SPMIP2: variants seen among roughly 807,000 people sequenced by gnomAD.
SPMIP2 encodes the protein protein SPMIP2.
the SPMIP2 span, among the ~76,000 whole-genome samples, chr4:158,981,200 A>C: frequency 6.6e-6 from 1 of 152,232 alleles, no homozygotes; most frequent in Non-Finnish European, 1.5e-5. Context: ...GAAATATGAG[A>C]CTATGTGAAA....
the SPMIP2 span, among the ~76,000 whole-genome samples, chr4:158,997,612 A>G: frequency 6.6e-6 from 1 of 152,098 alleles, no homozygotes; most frequent in Non-Finnish European, 1.5e-5. Flanking sequence ...GGCAAGGGAG[A>G]GGGCAATTAT....
the SPMIP2 span, among the ~76,000 whole-genome samples, chr4:159,032,509 A>G: frequency 1.3e-5 from 2 of 152,226 alleles, no homozygotes; most frequent in African/African-American, 4.8e-5. Context: ...AAAGGTGACA[A>G]CAATTTGAAC....
the SPMIP2 span, among the ~76,000 whole-genome samples, chr4:159,015,451 G>A: frequency 6.6e-6 from 1 of 152,168 alleles, no homozygotes; most frequent in African/African-American, 2.4e-5. Flanking sequence ...TTCAGGTGCA[G>A]CAAACCATTT....
At chr4:158,959,221 CTTG>C in the SPMIP2 span, among the ~76,000 whole-genome samples, 1 of 152,110 alleles carries the variant, frequency 6.6e-6, no homozygotes, top group Non-Finnish European at 1.5e-5. Flanking sequence ...ACCACCAATG[CTTG>C]TTGAAGTTTT....
chr4:158,936,091 C>T, the SPMIP2 span, among the ~76,000 whole-genome samples: 1 of 152,206 alleles, frequency 6.6e-6, no homozygotes, highest in East Asian at 1.9e-4. Flanking sequence ...TAACTGACCA[C>T]CCAGCTTCAG....
the SPMIP2 span, among the ~76,000 whole-genome samples, chr4:158,992,344 T>C: frequency 6.6e-6 from 1 of 152,226 alleles, no homozygotes; most frequent in Non-Finnish European, 1.5e-5. Context: ...TATGAAAGTA[T>C]ATTAAGAGTT....
the SPMIP2 span, among the ~76,000 whole-genome samples, chr4:158,932,450 C>T: frequency 6.6e-6 from 1 of 152,168 alleles, no homozygotes; most frequent in Non-Finnish European, 1.5e-5. Flanking sequence ...GCCTGGGTGA[C>T]AGAGTGAGAC....
chr4:159,007,580 C>A, the SPMIP2 span: 1 of 1,103,754 alleles, frequency 9.1e-7, no homozygotes, highest in Non-Finnish European at 1.3e-6. Flanking sequence ...CCGTCAAAAG[C>A]AAAGTGGAAG....
chr4:159,047,481 T>A, the SPMIP2 span, among the ~76,000 whole-genome samples: 4 of 152,236 alleles, frequency 2.6e-5, no homozygotes, highest in Middle Eastern at 3.4e-3. Flanking sequence ...ATTCCTGCCT[T>A]GTTCCATTGA....
chr4:159,007,804 C>G, the SPMIP2 span: 1 of 570,876 alleles, frequency 1.8e-6, no homozygotes. Flanking sequence ...ATTGTCAACC[C>G]GAAGGGTGAA....
At chr4:158,944,005 G>A in the SPMIP2 span, among the ~76,000 whole-genome samples, 14 of 151,288 alleles carry the variant, frequency 9.3e-5, no homozygotes, top group East Asian at 3.9e-4. Flanking sequence ...ACAGGCGCCC[G>A]CCACCATGCC....
the SPMIP2 span, among the ~76,000 whole-genome samples, chr4:159,072,588 G>A: frequency 5.3e-5 from 8 of 150,312 alleles, no homozygotes; most frequent in Admixed American, 2.0e-4. Context: ...TCAGCTCCCC[G>A]AGCAGCTCAG....
chr4:158,933,248 G>C, the SPMIP2 span, among the ~76,000 whole-genome samples: 1 of 152,154 alleles, frequency 6.6e-6, no homozygotes, highest in Non-Finnish European at 1.5e-5. Context: ...GCCTGCCTTG[G>C]CCTCCCAAAG....
chr4:158,927,334 GTATTTTTTA>G, the SPMIP2 span, among the ~76,000 whole-genome samples: 1 of 151,996 alleles, frequency 6.6e-6, no homozygotes, highest in Admixed American at 6.5e-5. Flanking sequence ...ACTGTCTGAG[GTATTTTTTA>G]CTTTCACTTT....
chr4:158,916,958 A>T, the SPMIP2 span, among the ~76,000 whole-genome samples: 1 of 150,228 alleles, frequency 6.7e-6, no homozygotes, highest in Non-Finnish European at 1.5e-5. Context: ...CTTTCTTTTT[A>T]AAAATGGTCC....
At chr4:158,933,144 C>A in the SPMIP2 span, among the ~76,000 whole-genome samples, 1 of 152,316 alleles carries the variant, frequency 6.6e-6, no homozygotes, top group South Asian at 2.1e-4. Flanking sequence ...GCTGGGATTA[C>A]AGGCACACAC....
the SPMIP2 span, among the ~76,000 whole-genome samples, chr4:158,910,120 A>C: frequency 1.3e-4 from 19 of 151,820 alleles, no homozygotes; most frequent in South Asian, 2.1e-4. Flanking sequence ...GCCTTACATG[A>C]CCCTCCTGCC....
chr4:158,926,528 T>C, the SPMIP2 span, among the ~76,000 whole-genome samples: 2 of 152,226 alleles, frequency 1.3e-5, no homozygotes, highest in African/African-American at 2.4e-5. Context: ...GATGTCATCA[T>C]AGTTCCGTGA....
chr4:159,022,105 C>T, the SPMIP2 span, among the ~76,000 whole-genome samples: 10 of 152,118 alleles, frequency 6.6e-5, no homozygotes, highest in African/African-American at 2.4e-4. Context: ...GTAAATGGAA[C>T]TTTGAAAGAG....
Sources: allele counts gnomAD v4.1 joint callset (sites outside exome capture counted in the v4.1 genomes callset), GRCh38; gene constraint gnomAD v4.1.1; transcripts MANE v1.5; gene names NCBI Gene and HGNC (gene_info 2026-07-23, HGNC 2026-07-21).